Variants in SNX29 observed in about 807,000 individuals in gnomAD.
SNX29 encodes sorting nexin 29, also known as sorting nexin-29.
A neutral mutation model predicts 102.1 loss-of-function variants in SNX29; 78 were observed. That is an observed-to-expected ratio of 0.76 (90% CI 0.64 to 0.92). The LOEUF is 0.92. SNX29 is among the 40% of genes least tolerant of loss of function. SNX29 has a pLI of 0.00. For synonymous variants in SNX29, 580 were observed against 414.5 expected (o/e 1.40, Z -4.85); for missense variants, 1,280 against 1,061.7 (o/e 1.21, Z -2.86).
chr16:12,209,183 G>T (rs368349614), intron 14 of SNX29, among the ~76,000 whole-genome samples: 38 of 152,336 alleles, frequency 2.5e-4, no homozygotes, highest in African/African-American at 8.2e-4. Flanking sequence ...TTGCAGGGGG[G>T]TAAAGTATAA....
At chr16:12,273,500 A>G (rs888284632) in intron 14 of SNX29, among the ~76,000 whole-genome samples, 5 of 151,888 alleles carry the variant, frequency 3.3e-5, no homozygotes, top group African/African-American at 1.2e-4. Context: ...TTGGGGTTAC[A>G]GGCGCACACC....
chr16:12,535,270 C>A (rs1387006755), intron 20 of SNX29, among the ~76,000 whole-genome samples: 1 of 152,156 alleles, frequency 6.6e-6, no homozygotes. Flanking sequence ...TCCCAAGTAG[C>A]TGGGATTACA....
In SNX29 at chr16:12,537,372, A is replaced by C. The variant is rs558033425; in HGVS notation, c.2318+12531A>C. ...GAGCTCATTGGCAACTTGGTGCATG[A>C]CAGAAAGAGCAAGACTTTGAGCCAA... is the stretch of plus-strand genomic sequence containing the variant. On this transcript the variant is annotated intron_variant, in intron 20 of 20. Transcript: ENST00000566228. 3.9e-5 allele frequency among the ~76,000 whole-genome samples: 6 copies of C among 152,380 alleles called. No individual in the cohort carries two copies. The East Asian group carries it at 9.6e-4, about 24-fold the overall frequency.
intron 13 of SNX29, among the ~76,000 whole-genome samples, chr16:12,132,181 C>G (rs1451742783): frequency 6.6e-6 from 1 of 151,928 alleles, no homozygotes; most frequent in Non-Finnish European, 1.5e-5. Flanking sequence ...TCACTGCAAC[C>G]TCTGCCTCCC....
At chr16:12,060,110 A>G (rs8053451) in intron 8 of SNX29, among the ~76,000 whole-genome samples, 76,517 of 151,938 alleles carry the variant, frequency 0.5, 21,064 homozygotes, top group East Asian at 0.73. Flanking sequence ...TTCCGCATCT[A>G]TGGTTTCAAC....
chr16:12,535,158 A>C (rs1407576797), intron 20 of SNX29, among the ~76,000 whole-genome samples: 1 of 152,150 alleles, frequency 6.6e-6, no homozygotes, highest in East Asian at 1.9e-4. Flanking sequence ...CATTTCTTTG[A>C]GACAGAGTCT....
chr16:12,017,591 G>A (rs966710727), intron 3 of SNX29, among the ~76,000 whole-genome samples: 4 of 151,990 alleles, frequency 2.6e-5, no homozygotes, highest in Non-Finnish European at 5.9e-5. Context: ...TTTGGTTTTC[G>A]AGTACTGCAT....
At chr16:12,040,282 A>G (rs2049826115) in intron 4 of SNX29, among the ~76,000 whole-genome samples, 1 of 152,100 alleles carries the variant, frequency 6.6e-6, no homozygotes, top group African/African-American at 2.4e-5. Context: ...GGAGGCTGAG[A>G]CAGGAGGATC....
At chr16:12,187,340 G>A (rs773095876) in intron 13 of SNX29, among the ~76,000 whole-genome samples, 6 of 152,236 alleles carry the variant, frequency 3.9e-5, no homozygotes, top group East Asian at 3.9e-4. Context: ...CGGGTAGATC[G>A]TGTGAGGCCA....
At chr16:12,482,293 T>G (rs1462451808) in intron 19 of SNX29, among the ~76,000 whole-genome samples, 1 of 151,968 alleles carries the variant, frequency 6.6e-6, no homozygotes, top group African/African-American at 2.4e-5. Context: ...CTTTTTCCTT[T>G]TCCTTTTCCT....
intron 14 of SNX29, among the ~76,000 whole-genome samples, chr16:12,201,117 A>G (rs181433671): frequency 6.6e-6 from 1 of 152,282 alleles, no homozygotes; most frequent in East Asian, 1.9e-4. Flanking sequence ...CTATTTGATA[A>G]CATGCCTTGC....
At chr16:12,565,927 C>T (rs1243802355) in intron 20 of SNX29, among the ~76,000 whole-genome samples, 1 of 152,166 alleles carries the variant, frequency 6.6e-6, no homozygotes, top group Non-Finnish European at 1.5e-5. Context: ...CCACAGCCAT[C>T]TGTCCAGTGT....
At chr16:12,536,020 C>G (rs889803688) in intron 20 of SNX29, among the ~76,000 whole-genome samples, 1 of 152,156 alleles carries the variant, frequency 6.6e-6, no homozygotes, top group Non-Finnish European at 1.5e-5. Flanking sequence ...TCGGAGCTAT[C>G]CCGTTCCTAA....
rs2055307093 is a variant in SNX29, at chr16:11,976,742, C to T, written c.-65C>T. 2 of 1,218,902 alleles carry T rather than the reference C, an allele frequency of 1.6e-6. No individual in the cohort carries two copies. Among genetic ancestry groups the T allele is most frequent in the South Asian group, 4.7e-5 (2 of 42,794 alleles). 75.5% of individuals were successfully genotyped at this position (1,218,902 alleles called of 1,614,324 possible). A position where few individuals can be genotyped will look rare whatever the true frequency, so the allele number is the denominator to read the frequency against. The stretch of plus-strand genomic sequence containing the variant: ...CTCCTGTCTCCCGGCCTGTCTGGAG[C>T]TCGGCAGCCGCAGAAGCGGCAGCGG... On this transcript the variant is annotated 5_prime_UTR_variant, in exon 1 of 21. Coordinates refer to ENST00000566228, the MANE Select transcript of SNX29 (RefSeq NM_032167.5).
At chr16:12,453,573 G>A (rs1300415135) in intron 18 of SNX29, among the ~76,000 whole-genome samples, 1 of 151,876 alleles carries the variant, frequency 6.6e-6, no homozygotes, top group African/African-American at 2.4e-5. Flanking sequence ...AAGAAATGGG[G>A]TCTCACTGTG....
chr16:12,277,896 G>C (rs2079304820), intron 14 of SNX29, 37 bp from the exon 15 acceptor site: 2 of 1,547,914 alleles, frequency 1.3e-6, no homozygotes, highest in Admixed American at 1.9e-5. Flanking sequence ...TTTCGATACT[G>C]TTGAAATATT....
chr16:12,444,422 G>A (rs1412065079), intron 18 of SNX29, among the ~76,000 whole-genome samples: 2 of 152,234 alleles, frequency 1.3e-5, no homozygotes, highest in Non-Finnish European at 2.9e-5. Flanking sequence ...GCTGCTTCCA[G>A]CCCATGGTGG....
At chr16:12,514,154 A>G (rs897271795) in intron 19 of SNX29, among the ~76,000 whole-genome samples, 7 of 152,212 alleles carry the variant, frequency 4.6e-5, no homozygotes, top group South Asian at 2.1e-4. Context: ...CAGATTTTCA[A>G]TGCTCCAGGG....
rs867083405 is a variant in SNX29, at chr16:12,403,208, G to A, written c.1956-240G>A. Among the ~76,000 whole-genome samples the A allele has an allele frequency of 1.9e-3, 145 of 74,790 alleles. 1 individual carries two copies. The highest frequency in any genetic ancestry group is 6.4e-3 in the Admixed American group (48 of 7,512). 49.1% of individuals were successfully genotyped at this position (74,790 alleles called of 152,430 possible). ...GAGTACAGATTGTGTGTGTATGTGTGTGTGTGTGTGTGTGTGTGTGTGTGT... is the reference window on the plus strand; with the variant it reads ...GAGTACAGATTGTGTGTGTATGTGTATGTGTGTGTGTGTGTGTGTGTGTGT... On this transcript the variant is annotated intron_variant, in intron 17 of 20. Coordinates refer to ENST00000566228, the MANE Select transcript of SNX29 (RefSeq NM_032167.5).
Sources: gnomAD v4.1 joint callset for allele counts (sites outside exome capture counted in the v4.1 genomes callset) on GRCh38, gnomAD v4.1.1 for gene constraint, MANE v1.5 for transcripts, NCBI Gene and HGNC (gene_info 2026-07-23, HGNC 2026-07-21) for gene names.